PCDH9: variants seen among roughly 807,000 people sequenced by gnomAD.
PCDH9 encodes the protein protocadherin-9.
A neutral mutation model predicts 70.6 loss-of-function variants in PCDH9; 24 were observed. That is an observed-to-expected ratio of 0.34 (90% CI 0.25 to 0.48). PCDH9 has a LOEUF of 0.48. Ranked by LOEUF, PCDH9 falls within the 20% of genes least tolerant of loss-of-function variation. The pLI, the probability that PCDH9 is intolerant of heterozygous loss-of-function variation, is 0.99. For synonymous variants in PCDH9, 562 were observed against 558.5 expected, an observed-to-expected ratio of 1.01 and a Z score of -0.09; for missense variants, 1,281 against 1,503.6, an observed-to-expected ratio of 0.85 and a Z score of 2.45.
chr13:67,227,039 T>C lies in PCDH9; in HGVS notation c.1402A>G (p.Ile468Val), dbSNP rs2089893606. The change falls in exon 2 of 5, where the codon ATT becomes GTT. Residue 468 changes from isoleucine to valine, a missense_variant. Coordinates refer to ENST00000377865, the MANE Select transcript of PCDH9 (RefSeq NM_203487.3). This position sits in a 1 kb window ranked among gnomAD's most constrained non-coding sequence, Gnocchi z 4.6. ...AGCTCAATTACAGGCTGGTTGAAAA[T>C]TGGTGGGTTGTCATTTTCATCCTCA... ...KLEDENDNPP[I>V]FNQPVIELSV... The C allele has an allele frequency of 1.2e-6, 2 of 1,614,014 alleles. No homozygotes were observed. Among genetic ancestry groups the C allele is most frequent in the South Asian group, 2.2e-5 (2 of 91,088 alleles).
At chr13:66,537,444 A>T (rs1294217666) in intron 4 of PCDH9, among the ~76,000 whole-genome samples, 2 of 152,144 alleles carry the variant, frequency 1.3e-5, no homozygotes, top group African/African-American at 4.8e-5. Context: ...GTAGCATAAC[A>T]GGCCTACAGA....
intron 2 of PCDH9, among the ~76,000 whole-genome samples, chr13:66,939,424 ATGTGTGTGTGTG>A (rs57997772): frequency 4.7e-5 from 7 of 148,120 alleles, no homozygotes; most frequent in South Asian, 4.3e-4. Context: ...TTTAAAATAT[ATGTGTGTGTGTG>A]TGTGTGTGTG....
intron 3 of PCDH9, among the ~76,000 whole-genome samples, chr13:66,756,627 AG>A (rs1277512856): frequency 1.3e-5 from 2 of 152,138 alleles, no homozygotes; most frequent in East Asian, 3.9e-4. Flanking sequence ...ATGTTTCTAT[AG>A]CCCCATTTCT....
At chr13:66,728,239 G>A (rs6562472) in intron 3 of PCDH9, among the ~76,000 whole-genome samples, 47,629 of 151,760 alleles carry the variant, frequency 0.31, 8,686 homozygotes, top group South Asian at 0.41. Context: ...TGGTTTTGCC[G>A]CATTATTTTA....
At chr13:66,925,000 A>T (rs2139649960) in intron 2 of PCDH9, among the ~76,000 whole-genome samples, 1 of 152,004 alleles carries the variant, frequency 6.6e-6, no homozygotes, top group South Asian at 2.1e-4. Context: ...TTTATAAAAA[A>T]CATGGAAGAT....
intron 2 of PCDH9, among the ~76,000 whole-genome samples, chr13:66,928,077 C>G (rs891897425): frequency 2.0e-5 from 3 of 152,090 alleles, no homozygotes; most frequent in African/African-American, 4.8e-5. Context: ...TATTTCCTCT[C>G]TCTGAAGATA....
At chr13:66,338,231 T>C (rs1325560208) in intron 4 of PCDH9, among the ~76,000 whole-genome samples, 1 of 152,056 alleles carries the variant, frequency 6.6e-6, no homozygotes, top group East Asian at 1.9e-4. Context: ...TCTTTCTTTT[T>C]CCTCTCTTTT....
rs115219539 is a variant in PCDH9, at chr13:67,184,343, A to G, written c.3036+41062T>C. On this transcript the variant is annotated intron_variant, in intron 2 of 4. Coordinates refer to ENST00000377865, the MANE Select transcript of PCDH9 (RefSeq NM_203487.3). ...TTTTCATGCCAAAAATTCTGTGCTA[A>G]TTCTGAATCATGTTTGCCTTTTGAC... Among the ~76,000 whole-genome samples, 641 of 152,250 alleles carry G rather than the reference A, an allele frequency of 4.2e-3. 6 individuals carry two copies. The highest frequency in any genetic ancestry group is 0.015 in the African/African-American group (604 of 41,542).
At chr13:67,104,587 C>G (rs1566427349) in intron 2 of PCDH9, among the ~76,000 whole-genome samples, 1 of 151,466 alleles carries the variant, frequency 6.6e-6, no homozygotes, top group Admixed American at 6.6e-5. Flanking sequence ...CTCGCTCTGT[C>G]GCCCAGGCTG....
intron 2 of PCDH9, among the ~76,000 whole-genome samples, chr13:67,066,514 G>A (rs895840651): frequency 1.3e-5 from 2 of 152,120 alleles, no homozygotes; most frequent in African/African-American, 2.4e-5. Context: ...GATTATAGGA[G>A]TGAGCCACCG....
intron 3 of PCDH9, among the ~76,000 whole-genome samples, chr13:66,748,351 C>T (rs1423708081): frequency 6.6e-6 from 1 of 152,250 alleles, no homozygotes; most frequent in Admixed American, 6.5e-5. Context: ...TGTCAAAAGT[C>T]TGATTCATTC....
At chr13:66,453,148 T>A (rs1180435106) in intron 4 of PCDH9, among the ~76,000 whole-genome samples, 1 of 152,316 alleles carries the variant, frequency 6.6e-6, no homozygotes, top group East Asian at 1.9e-4. Context: ...TACACGACAC[T>A]GTATGTTACA....
chr13:66,553,896 T>C (rs944829271), intron 4 of PCDH9, among the ~76,000 whole-genome samples: 23 of 152,284 alleles, frequency 1.5e-4, no homozygotes, highest in African/African-American at 4.8e-4. Flanking sequence ...AAAATAATAA[T>C]TGAGAGGTGC....
chr13:66,848,944 A>C (rs2081262492), intron 3 of PCDH9, among the ~76,000 whole-genome samples: 1 of 151,602 alleles, frequency 6.6e-6, no homozygotes, highest in Non-Finnish European at 1.5e-5. Context: ...AAAAAAAAAA[A>C]AAAAAAAATA....
intron 2 of PCDH9, among the ~76,000 whole-genome samples, chr13:66,916,244 GAACTCTGCTC>G: frequency 6.6e-6 from 1 of 151,272 alleles, no homozygotes; most frequent in African/African-American, 2.4e-5. Flanking sequence ...AAGTACCTTT[GAACTCTGCTC>G]AATGTTTCTC....
chr13:66,346,164 G>A (rs928429200), intron 4 of PCDH9, among the ~76,000 whole-genome samples: 8 of 151,876 alleles, frequency 5.3e-5, no homozygotes, highest in South Asian at 2.1e-4. Context: ...TTACACCACC[G>A]AGCCAAATGT....
At chr13:66,424,159 G>T (rs1313741041) in intron 4 of PCDH9, among the ~76,000 whole-genome samples, 1 of 152,078 alleles carries the variant, frequency 6.6e-6, no homozygotes, top group African/African-American at 2.4e-5. Context: ...ACAAACCACT[G>T]CTCAAGGAAA....
rs72081463 is a variant in PCDH9 at position 66,397,490 on chromosome 13, A to ATG, written c.3341-92464_3341-92463dup. On this transcript the variant is annotated intron_variant, in intron 4 of 4. Transcript: ENST00000377865. ...TATGTGTGTGTGTGTATATATATAT[A>ATG]TGTATACACACACAAAATGTATGTC... Among the ~76,000 whole-genome samples, 567 of 150,594 alleles carry ATG rather than the reference A, an allele frequency of 3.8e-3. 5 individuals carry two copies. The highest frequency in any genetic ancestry group is 0.013 in the African/African-American group (536 of 40,950).
intron 3 of PCDH9, among the ~76,000 whole-genome samples, chr13:66,679,017 C>G (rs2078281878): frequency 6.6e-6 from 1 of 151,122 alleles, no homozygotes; most frequent in South Asian, 2.1e-4. Flanking sequence ...TATATTTAAC[C>G]TACCCACCAT....
Sources: gnomAD v4.1 joint callset for allele counts (sites outside exome capture counted in the v4.1 genomes callset) on GRCh38, gnomAD v4.1.1 for gene constraint, Gnocchi (gnomAD v3.1) non-coding constraint, MANE v1.5 for transcripts, NCBI Gene and HGNC (gene_info 2026-07-23, HGNC 2026-07-21) for gene names.